The following AEBP2 variants were observed in gnomAD, a reference collection of about 807,000 sequenced individuals.
AEBP2 encodes the protein zinc finger protein AEBP2.
In AEBP2, 10 loss-of-function variants were observed where a neutral mutation model predicts 50.8. That is an observed-to-expected ratio of 0.20 (90% CI 0.12 to 0.33). The LOEUF (loss-of-function observed/expected upper bound fraction) is 0.33. Among genes scored for constraint, AEBP2 ranks in the 10% least tolerant of loss-of-function variants. The pLI is 1.00. For missense variants in AEBP2, 570 were observed against 688.0 expected (o/e 0.83, Z 1.92); for synonymous variants, 296 against 261.3 (o/e 1.13, Z -1.28).
At chr12:19,479,090 T>C (rs1948690728) in intron 3 of AEBP2, among the ~76,000 whole-genome samples, 1 of 152,112 alleles carries the variant, frequency 6.6e-6, no homozygotes, top group Non-Finnish European at 1.5e-5. Context: ...ACACTTGTAG[T>C]CCTAGCTATG....
At chr12:19,505,384 A>G (rs561560460) in intron 5 of AEBP2, among the ~76,000 whole-genome samples, 3 of 152,352 alleles carry the variant, frequency 2.0e-5, no homozygotes, top group Admixed American at 6.5e-5. Context: ...CCAGGTACTA[A>G]TGTAATGACA....
intron 1 of AEBP2, among the ~76,000 whole-genome samples, chr12:19,430,946 C>A (rs2095751095): frequency 1.3e-5 from 2 of 151,106 alleles, no homozygotes; most frequent in Non-Finnish European, 2.9e-5. Flanking sequence ...TAGCTTGAGC[C>A]CCAGAGGTTG....
rs1948931604 is a variant in AEBP2, at chr12:19,493,977, C to T, written c.1165C>T (p.Arg389Cys). 1.9e-6 allele frequency: 3 copies of T among 1,606,006 alleles called. No homozygotes were observed. Among genetic ancestry groups the T allele is most frequent in the Non-Finnish European group, 2.6e-6 (3 of 1,175,928 alleles). The change falls in exon 4 of 8, where the codon CGC (arginine) becomes TGC (cysteine). Residue 389 changes from arginine to cysteine, a missense_variant. Arg to Cys is a radical substitution (Grantham distance 180). Transcript: ENST00000266508. The part of the protein sequence containing the change: ...KRRKLKNKRR[R>C]SLPRPHDFFD... ...GAGGAAATTAAAGAACAAAAGACGA[C>T]GCTCATTACGTAAGTGTTACACTGA...
intron 1 of AEBP2, among the ~76,000 whole-genome samples, chr12:19,422,288 G>T (rs189313650): frequency 6.6e-6 from 1 of 151,948 alleles, no homozygotes; most frequent in Non-Finnish European, 1.5e-5. Context: ...GTACTAGTGT[G>T]TAAATTAACT....
At chr12:19,452,958 G>GTTT (rs1948189593) in intron 1 of AEBP2, among the ~76,000 whole-genome samples, 2 of 108,494 alleles carry the variant, frequency 1.8e-5, no homozygotes, top group African/African-American at 3.1e-5. Context: ...ATAGACTTAC[G>GTTT]TTCTTTTTTT....
chr12:19,404,523 C>G (rs1193333003), intron 1 of AEBP2, among the ~76,000 whole-genome samples: 1 of 152,094 alleles, frequency 6.6e-6, no homozygotes, highest in African/African-American at 2.4e-5. Context: ...TGTTGCTTCT[C>G]GGAAAAATGT....
intron 1 of AEBP2, among the ~76,000 whole-genome samples, chr12:19,422,541 A>T (rs1302338532): frequency 6.6e-6 from 1 of 151,804 alleles, no homozygotes; most frequent in East Asian, 2.0e-4. Context: ...TTGTTGCCCA[A>T]GCTGGAGTGC....
intron 1 of AEBP2, chr12:19,457,599 T>G (rs940666722): frequency 1.3e-6 from 2 of 1,487,042 alleles, no homozygotes; most frequent in African/African-American, 2.8e-5. Flanking sequence ...CTTGTACGAA[T>G]CTACGTGTCC....
chr12:19,513,622 G>A (rs1389829434), intron 6 of AEBP2, among the ~76,000 whole-genome samples: 1 of 152,054 alleles, frequency 6.6e-6, no homozygotes, highest in East Asian at 1.9e-4. Flanking sequence ...AAATTAGCTG[G>A]TTGTGATGGT....
chr12:19,471,924 C>T (rs1948579516), intron 2 of AEBP2, among the ~76,000 whole-genome samples: 1 of 152,022 alleles, frequency 6.6e-6, no homozygotes. Flanking sequence ...AGTTTATAAA[C>T]ATGTTCTAGG....
At chr12:19,428,003 G>A (rs956352635) in intron 1 of AEBP2, among the ~76,000 whole-genome samples, 2 of 152,064 alleles carry the variant, frequency 1.3e-5, no homozygotes, top group African/African-American at 4.8e-5. Flanking sequence ...TTTAGAGGCT[G>A]AGGCTGGTGG....
In AEBP2 at chr12:19,447,900, G is replaced by C. The variant is rs565282944; in HGVS notation, c.671+7530G>C. On this transcript the variant is annotated intron_variant, in intron 1 of 7. Transcript: ENST00000266508. ...TTTGGAGCTCGAATGCGAGGGTGCTGCTGTAGAGTTGGCAAGTACTTTAAA... is the reference window on the plus strand; with the variant it reads ...TTTGGAGCTCGAATGCGAGGGTGCTCCTGTAGAGTTGGCAAGTACTTTAAA... Among the ~76,000 whole-genome samples, 22 of 152,186 alleles carry C rather than the reference G, an allele frequency of 1.4e-4. 1 individual carries two copies. Among genetic ancestry groups the C allele is most frequent in the Non-Finnish European group, 2.9e-4 (20 of 68,028 alleles).
At chr12:19,404,142 C>T (rs2095734769) in exon 1 of AEBP2, 1 of 152,238 alleles carries the variant, frequency 6.6e-6, no homozygotes, top group Non-Finnish European at 1.5e-5. Flanking sequence ...TATCGCAGAT[C>T]TCACTTGGGA....
chr12:19,448,136 G>C (rs991167530), intron 1 of AEBP2, among the ~76,000 whole-genome samples: 1 of 151,990 alleles, frequency 6.6e-6, no homozygotes, highest in Non-Finnish European at 1.5e-5. Context: ...TCAACTCTTG[G>C]GCTCCAGTGA....
intron 1 of AEBP2, chr12:19,440,622 C>T (rs765092108): frequency 7.2e-5 from 108 of 1,492,450 alleles, no homozygotes; most frequent in Non-Finnish European, 9.3e-5. Context: ...GCGCTTCGCT[C>T]CTCACGGACC....
intron 1 of AEBP2, among the ~76,000 whole-genome samples, chr12:19,426,051 T>C (rs1195736382): frequency 1.3e-5 from 2 of 152,096 alleles, no homozygotes; most frequent in African/African-American, 4.8e-5. Flanking sequence ...TCCTCCCACC[T>C]CAGCCTCCTG....
chr12:19,420,441 C>A (rs567700419), intron 1 of AEBP2, among the ~76,000 whole-genome samples: 3 of 143,950 alleles, frequency 2.1e-5, no homozygotes, highest in African/African-American at 7.7e-5. Context: ...TCAAGAGATT[C>A]TCCTATCTCA....
At position 19,517,974 on chromosome 12, in the gene AEBP2, T is replaced by C. The variant is rs1027841831; in HGVS notation, c.1482-113T>C. The stretch of plus-strand genomic sequence containing the variant: ...ATGTTTTGGAAATACATTTTTATTA[T>C]AATCTATGATCATCACATTGCCTGT... On this transcript the variant is annotated intron_variant, in intron 7 of 7. Transcript: ENST00000266508. 3 of 959,432 alleles carry C rather than the reference T, an allele frequency of 3.1e-6. No individual in the cohort carries two copies. In the African/African-American group the frequency reaches 5.1e-5, roughly 16 times the overall value. The allele number at this position is 959,432 out of a possible 1,614,324, so 59.4% of individuals were successfully genotyped here.
rs1001733779 is a variant in AEBP2, at chr12:19,521,369, G to A, written c.*3252G>A. ...GAAACTTTTACGGTGGGTTTTTAAAGTTATTAATAGTCCATCATTTCATCA... is the reference window on the plus strand; with the variant it reads ...GAAACTTTTACGGTGGGTTTTTAAAATTATTAATAGTCCATCATTTCATCA... On this transcript the variant is annotated 3_prime_UTR_variant, in exon 8 of 8. Transcript: ENST00000266508. The A allele has an allele frequency of 3.3e-5, 5 of 152,076 alleles. No individual in the cohort carries two copies. In the South Asian group the frequency reaches 1.0e-3, roughly 31 times the overall value. The allele number at this position is 152,076 out of a possible 1,614,324, so 9.4% of individuals were successfully genotyped here. A position where few individuals can be genotyped will look rare whatever the true frequency, so the allele number is the denominator to read the frequency against.
Sources: gnomAD v4.1 joint callset for allele counts (sites outside exome capture counted in the v4.1 genomes callset) on GRCh38, gnomAD v4.1.1 for gene constraint, MANE v1.5 for transcripts, NCBI Gene and HGNC (gene_info 2026-07-23, HGNC 2026-07-21) for gene names.